The following NELL1 variants were observed in gnomAD, a reference collection of about 807,000 sequenced individuals.
NELL1 encodes protein kinase C-binding protein NELL1.
In NELL1, 76 loss-of-function variants were observed where a neutral mutation model predicts 107.4. The observed-to-expected ratio is 0.71, with a 90% confidence interval of 0.59 to 0.86. The LOEUF (loss-of-function observed/expected upper bound fraction) is 0.86. NELL1 is among the 40% of genes least tolerant of loss of function. The probability of loss-of-function intolerance (pLI) is 0.00; values close to 1 mark genes in which losing one functional copy is unlikely to be tolerated. For missense variants in NELL1, 1,024 were observed against 1,005.5 expected, an observed-to-expected ratio of 1.02 and a Z score of -0.25; for synonymous variants, 353 against 341.2, an observed-to-expected ratio of 1.03 and a Z score of -0.38.
rs570777312 is a variant in NELL1, at chr11:21,434,857, TCAA to T, written c.1645+63912_1645+63914del. Among the ~76,000 whole-genome samples the T allele has an allele frequency of 6.6e-5, 10 of 152,298 alleles. No homozygotes were observed. The South Asian group carries it at 1.2e-3, about 19-fold the overall frequency. ...TTTGTGTCCTCTTCAATTTATTTCA[TCAA>T]CATTTTGTAGTTTTTATTGCAGAAG... On this transcript the variant is annotated intron_variant, in intron 15 of 19. Transcript: ENST00000357134.
intron 14 of NELL1, among the ~76,000 whole-genome samples, chr11:21,337,479 C>T (rs1850431488): frequency 6.6e-6 from 1 of 152,164 alleles, no homozygotes; most frequent in South Asian, 2.1e-4. Flanking sequence ...ATATGTCTTC[C>T]AAGATCACTG....
At chr11:21,541,514 T>A (rs1218450271) in intron 16 of NELL1, among the ~76,000 whole-genome samples, 1 of 152,102 alleles carries the variant, frequency 6.6e-6, no homozygotes, top group Admixed American at 6.6e-5. Flanking sequence ...CAGTGCCTGT[T>A]TTTCATAGGA....
chr11:21,288,238 T>C (rs1461957210), intron 14 of NELL1, among the ~76,000 whole-genome samples: 1 of 152,120 alleles, frequency 6.6e-6, no homozygotes, highest in East Asian at 1.9e-4. Context: ...TTGTCTGACT[T>C]CAGTCTATGA....
chr11:20,981,840 A>G (rs1464992777), intron 12 of NELL1, among the ~76,000 whole-genome samples: 1 of 152,218 alleles, frequency 6.6e-6, no homozygotes, highest in East Asian at 1.9e-4. Context: ...GCTTAAGCAG[A>G]GAAAATATAT....
intron 13 of NELL1, among the ~76,000 whole-genome samples, chr11:21,203,479 C>T (rs924796506): frequency 7.0e-6 from 1 of 143,272 alleles, no homozygotes; most frequent in Non-Finnish European, 1.5e-5. Flanking sequence ...AAATATTCCT[C>T]CATCCTTTTA....
At chr11:21,554,471 C>G (rs1047973970) in intron 16 of NELL1, among the ~76,000 whole-genome samples, 1 of 151,684 alleles carries the variant, frequency 6.6e-6, no homozygotes, top group East Asian at 2.0e-4. Context: ...CTTGGCAAAT[C>G]GATGAATGTG....
chr11:21,342,665 G>T (rs1257444945), intron 14 of NELL1, among the ~76,000 whole-genome samples: 2 of 137,300 alleles, frequency 1.5e-5, no homozygotes, highest in East Asian at 2.1e-4. Flanking sequence ...AAAAGAAAAA[G>T]AAAAAGAAAA....
chr11:21,210,444 T>G (rs2133859580), intron 13 of NELL1, among the ~76,000 whole-genome samples: 1 of 152,316 alleles, frequency 6.6e-6, no homozygotes. Flanking sequence ...AAGTGGTATC[T>G]CATTGTGGCT....
intron 4 of NELL1, among the ~76,000 whole-genome samples, chr11:20,855,001 C>T (rs1227769212): frequency 6.6e-6 from 1 of 152,172 alleles, no homozygotes; most frequent in Non-Finnish European, 1.5e-5. Flanking sequence ...GGCAGCCTGA[C>T]CATTACAGTG....
At chr11:21,310,765 C>T (rs1229272065) in intron 14 of NELL1, among the ~76,000 whole-genome samples, 1 of 151,908 alleles carries the variant, frequency 6.6e-6, no homozygotes, top group African/African-American at 2.4e-5. Context: ...CTTGTTGATG[C>T]TATGCAGGTT....
intron 2 of NELL1, among the ~76,000 whole-genome samples, chr11:20,728,846 G>A (rs1241530990): frequency 6.6e-6 from 1 of 152,132 alleles, no homozygotes; most frequent in Non-Finnish European, 1.5e-5. Context: ...TGTGAAAAAT[G>A]ACATTGGTTA....
intron 15 of NELL1, among the ~76,000 whole-genome samples, chr11:21,438,623 G>A (rs1853194656): frequency 6.6e-6 from 1 of 151,878 alleles, no homozygotes; most frequent in Admixed American, 6.6e-5. Context: ...TGATCATATT[G>A]CATATGTCAT....
chr11:21,268,236 T>C (rs1848672959), intron 14 of NELL1, among the ~76,000 whole-genome samples: 1 of 152,042 alleles, frequency 6.6e-6, no homozygotes, highest in Admixed American at 6.6e-5. Context: ...CTCCATAGGG[T>C]CGGAGGATGG....
At chr11:21,438,399 T>A (rs892813456) in intron 15 of NELL1, among the ~76,000 whole-genome samples, 1 of 152,192 alleles carries the variant, frequency 6.6e-6, no homozygotes, top group Non-Finnish European at 1.5e-5. Flanking sequence ...GCTACTTTTT[T>A]CTCTTTGAAT....
intron 2 of NELL1, among the ~76,000 whole-genome samples, chr11:20,739,431 T>C (rs887083550): frequency 6.6e-6 from 1 of 152,242 alleles, no homozygotes; most frequent in Non-Finnish European, 1.5e-5. Context: ...ATACTGTCTC[T>C]TGCTTTCCTG....
At chr11:21,057,805 T>C (rs758202983) in intron 12 of NELL1, among the ~76,000 whole-genome samples, 2 of 152,054 alleles carry the variant, frequency 1.3e-5, no homozygotes, top group Non-Finnish European at 2.9e-5. Context: ...TTTGCCTATC[T>C]GTGATTTTTA....
chr11:21,243,964 G>T (rs1291264270), intron 14 of NELL1, among the ~76,000 whole-genome samples: 1 of 152,044 alleles, frequency 6.6e-6, no homozygotes, highest in Admixed American at 6.6e-5. Flanking sequence ...GTTATGTTGA[G>T]CAGCCCAAGT....
At chr11:20,920,415 T>G (rs2134162340) in intron 7 of NELL1, among the ~76,000 whole-genome samples, 1 of 152,104 alleles carries the variant, frequency 6.6e-6, no homozygotes, top group South Asian at 2.1e-4. Flanking sequence ...TCAAACTGGG[T>G]TTTTGGCTAA....
chr11:20,864,052 G>A (rs1252487405), intron 4 of NELL1, among the ~76,000 whole-genome samples: 1 of 152,116 alleles, frequency 6.6e-6, no homozygotes, highest in Non-Finnish European at 1.5e-5. Context: ...AGCCGAGATG[G>A]CAGCAGCACA....
Sources: gnomAD v4.1 joint callset for allele counts (sites outside exome capture counted in the v4.1 genomes callset) on GRCh38, gnomAD v4.1.1 for gene constraint, MANE v1.5 for transcripts, NCBI Gene and HGNC (gene_info 2026-07-23, HGNC 2026-07-21) for gene names.